RIT2: variants seen among roughly 807,000 people sequenced by gnomAD.
RIT2 encodes GTP-binding protein Rit2.
Under a neutral mutation model 23.7 loss-of-function variants are expected in RIT2, and 24 were observed. The ratio of observed to expected loss-of-function variants is 1.01; its 90% CI spans 0.73 to 1.43. The LOEUF (loss-of-function observed/expected upper bound fraction) is 1.43, where lower values mean the gene tolerates loss of function less well. RIT2 is among the 40% of genes most tolerant of loss of function. The pLI, the probability that RIT2 is intolerant of heterozygous loss-of-function variation, is 0.00. For missense variants in RIT2, 236 were observed against 266.9 expected (o/e 0.88, Z 0.81); for synonymous variants, 107 against 91.1 (o/e 1.17, Z -0.99).
chr18:42,844,718 G>T (rs1568010889), intron 4 of RIT2, among the ~76,000 whole-genome samples: 1 of 152,068 alleles, frequency 6.6e-6, no homozygotes, highest in African/African-American at 2.4e-5. Flanking sequence ...TTGGTAAAAA[G>T]ACATTATTCA....
chr18:42,951,493 C>T (rs182969709), intron 3 of RIT2, among the ~76,000 whole-genome samples: 2 of 151,788 alleles, frequency 1.3e-5, no homozygotes, highest in Admixed American at 6.6e-5. Context: ...TGTACCTGGG[C>T]GATGGGATAA....
intron 1 of RIT2, among the ~76,000 whole-genome samples, chr18:43,046,126 G>A (rs1293509380): frequency 6.6e-6 from 1 of 152,030 alleles, no homozygotes; most frequent in Non-Finnish European, 1.5e-5. Context: ...GACAAACCCA[G>A]AAAGATAAAA....
chr18:43,006,165 T>C (rs1411595162), intron 2 of RIT2, among the ~76,000 whole-genome samples: 1 of 151,622 alleles, frequency 6.6e-6, no homozygotes, highest in African/African-American at 2.4e-5. Flanking sequence ...AACAGAAAAT[T>C]GTGCTGTATA....
chr18:42,797,227 A>C (rs184462895), intron 4 of RIT2, among the ~76,000 whole-genome samples: 64 of 152,270 alleles, frequency 4.2e-4, no homozygotes, highest in Admixed American at 3.7e-3. Flanking sequence ...ATCTAAAAAG[A>C]AACTCAAAGT....
At chr18:42,856,234 T>C (rs36093792) in intron 4 of RIT2, among the ~76,000 whole-genome samples, 18 of 152,254 alleles carry the variant, frequency 1.2e-4, no homozygotes, top group Non-Finnish European at 1.8e-4. Flanking sequence ...TGTTTGACTG[T>C]AGGTCATTAG....
intron 4 of RIT2, among the ~76,000 whole-genome samples, chr18:42,774,786 T>G (rs1412806672): frequency 6.6e-6 from 1 of 152,182 alleles, no homozygotes; most frequent in African/African-American, 2.4e-5. Context: ...AAGTAAAACA[T>G]TTTCTGAATG....
Position 43,113,661 on chromosome 18 carries a change from T to C in RIT2, c.103+1756A>G, listed in dbSNP as rs566949453. On this transcript the variant is annotated intron_variant, in intron 1 of 4. Transcript: ENST00000326695. ...ACAAGAAAAGTGTGTTGCTGAAGGA[T>C]GTTCCCGTCCAAAATCTCTTTTCTC... is the stretch of plus-strand genomic sequence containing the variant. 2.0e-4 allele frequency among the ~76,000 whole-genome samples: 30 copies of C among 152,264 alleles called. 1 individual carries two copies. Among genetic ancestry groups the C allele is most frequent in the Admixed American group, 1.9e-3 (29 of 15,304 alleles).
intron 1 of RIT2, among the ~76,000 whole-genome samples, chr18:43,097,351 C>T (rs1277865055): frequency 6.6e-6 from 1 of 151,942 alleles, no homozygotes; most frequent in South Asian, 2.1e-4. Flanking sequence ...ACAGGACATA[C>T]ACAGAGGAGG....
At position 42,763,362 on chromosome 18, in the gene RIT2, T is replaced by A. The variant is rs1913346935; in HGVS notation, c.427-19642A>T. On this transcript the variant is annotated intron_variant, in intron 4 of 4. Coordinates refer to ENST00000326695, the MANE Select transcript of RIT2 (RefSeq NM_002930.4). ...CTGTAGTCCCAGCTACTCAGGAGGC[T>A]GAGGCAGGAGAATGGCTTGAACCTG... 2.6e-5 allele frequency among the ~76,000 whole-genome samples: 4 copies of A among 151,058 alleles called. No homozygotes were observed. In the Admixed American group the frequency reaches 2.7e-4, roughly 10 times the overall value.
At chr18:43,090,219 C>T (rs1395175466) in intron 1 of RIT2, among the ~76,000 whole-genome samples, 2 of 152,040 alleles carry the variant, frequency 1.3e-5, no homozygotes, top group Non-Finnish European at 2.9e-5. Context: ...AGGACATGAA[C>T]AGACACTTTT....
intron 4 of RIT2, among the ~76,000 whole-genome samples, chr18:42,753,473 C>T (rs1913093200): frequency 6.6e-6 from 1 of 152,076 alleles, no homozygotes; most frequent in South Asian, 2.1e-4. Context: ...GCTTTGCAAG[C>T]AAAAATCTTA....
intron 1 of RIT2, among the ~76,000 whole-genome samples, chr18:43,036,541 C>T (rs1031135760): frequency 4.6e-5 from 7 of 151,860 alleles, no homozygotes; most frequent in Non-Finnish European, 1.0e-4. Context: ...CTCCATCCCC[C>T]GCTACCTCCC....
At chr18:42,857,475 C>T (rs1907217703) in intron 4 of RIT2, among the ~76,000 whole-genome samples, 2 of 152,086 alleles carry the variant, frequency 1.3e-5, no homozygotes, top group South Asian at 2.1e-4. Flanking sequence ...CTAACAGATC[C>T]TTAGCATAAG....
intron 4 of RIT2, among the ~76,000 whole-genome samples, chr18:42,902,956 C>T (rs1205758601): frequency 6.6e-6 from 1 of 151,076 alleles, no homozygotes; most frequent in East Asian, 1.9e-4. Context: ...ATATTATTTA[C>T]AAGAAGCACA....
At chr18:43,074,950 T>A (rs1912978788) in intron 1 of RIT2, among the ~76,000 whole-genome samples, 1 of 152,158 alleles carries the variant, frequency 6.6e-6, no homozygotes, top group African/African-American at 2.4e-5. Context: ...CATATTGGGC[T>A]TAATACCTAA....
At chr18:43,094,950 C>T (rs1598781828) in intron 1 of RIT2, among the ~76,000 whole-genome samples, 1 of 152,166 alleles carries the variant, frequency 6.6e-6, no homozygotes, top group East Asian at 1.9e-4. Context: ...TTTTCTTAAT[C>T]CATTCTATCA....
At chr18:42,795,505 G>T (rs1905317262) in intron 4 of RIT2, among the ~76,000 whole-genome samples, 1 of 152,218 alleles carries the variant, frequency 6.6e-6, no homozygotes, top group South Asian at 2.1e-4. Flanking sequence ...CGCCATGCTT[G>T]AGCCTCCCAC....
intron 4 of RIT2, among the ~76,000 whole-genome samples, chr18:42,891,452 C>T (rs1327033720): frequency 6.6e-6 from 1 of 152,040 alleles, no homozygotes; most frequent in African/African-American, 2.4e-5. Flanking sequence ...CACAGAAAAA[C>T]CTGCACATAG....
intron 4 of RIT2, among the ~76,000 whole-genome samples, chr18:42,813,511 CTT>C (rs1204863419): frequency 1.3e-5 from 2 of 152,040 alleles, no homozygotes; most frequent in East Asian, 3.9e-4. Flanking sequence ...CATGTCTAAA[CTT>C]ATATTTGTAC....
Sources: gnomAD v4.1 joint callset for allele counts (sites outside exome capture counted in the v4.1 genomes callset) on GRCh38, gnomAD v4.1.1 for gene constraint, MANE v1.5 for transcripts, NCBI Gene and HGNC (gene_info 2026-07-23, HGNC 2026-07-21) for gene names.